Variants in LRBA observed in about 807,000 individuals in gnomAD.
The protein encoded by LRBA is LPS responsive beige-like anchor protein.
Under a neutral mutation model 330.0 loss-of-function variants are expected in LRBA, and 176 were observed. The ratio of observed to expected loss-of-function variants is 0.53; its 90% CI spans 0.47 to 0.60. The LOEUF (loss-of-function observed/expected upper bound fraction) is 0.60. Among genes scored for constraint, LRBA ranks in the 20% least tolerant of loss-of-function variants. The probability of loss-of-function intolerance (pLI) is 0.00; values close to 1 mark genes in which losing one functional copy is unlikely to be tolerated. For missense variants in LRBA, 3,259 were observed against 3,444.8 expected (o/e 0.95, Z 1.35); for synonymous variants, 1,230 against 1,193.0 (o/e 1.03, Z -0.64).
rs560528216 is a variant in LRBA, at chr4:150,341,029, G to A, written c.7362+8963C>T. On this transcript the variant is annotated intron_variant, in intron 48 of 56. Transcript: ENST00000651943. ...CACTTTGGCAGCTCGGTGGAAAGTGGACTGTAGGTAGGCAGGGACAGAAAA... is the reference window on the plus strand; with the variant it reads ...CACTTTGGCAGCTCGGTGGAAAGTGAACTGTAGGTAGGCAGGGACAGAAAA... 1.2e-3 allele frequency among the ~76,000 whole-genome samples: 179 copies of A among 152,326 alleles called. 2 individuals carry two copies. Among genetic ancestry groups the A allele is most frequent in the Non-Finnish European group, 2.1e-3 (145 of 68,016 alleles).
At chr4:150,820,780 A>T (rs1363248090) in intron 30 of LRBA, among the ~76,000 whole-genome samples, 2 of 152,080 alleles carry the variant, frequency 1.3e-5, no homozygotes, top group Non-Finnish European at 2.9e-5. Flanking sequence ...ATAAAGTTTC[A>T]GTGTAAAAGA....
chr4:150,683,446 A>C (rs1783228431), intron 37 of LRBA, 105 bp downstream of exon 37: 1 of 888,140 alleles, frequency 1.1e-6, no homozygotes, highest in South Asian at 1.7e-5. Context: ...GACAAAATTA[A>C]ATTACTCTCT....
chr4:150,910,165 T>A (rs1228938187), intron 9 of LRBA, among the ~76,000 whole-genome samples: 1 of 152,192 alleles, frequency 6.6e-6, no homozygotes, highest in Non-Finnish European at 1.5e-5. Flanking sequence ...TTTGACAACA[T>A]CTTATTTGTC....
chr4:150,736,048 C>G (rs573913815), intron 35 of LRBA, among the ~76,000 whole-genome samples: 21 of 152,162 alleles, frequency 1.4e-4, no homozygotes, highest in African/African-American at 5.1e-4. Context: ...ATGGCAAAAC[C>G]CCAGGTTTTC....
At chr4:150,952,554 C>T (rs964054331) in intron 2 of LRBA, among the ~76,000 whole-genome samples, 2 of 152,100 alleles carry the variant, frequency 1.3e-5, no homozygotes, top group African/African-American at 4.8e-5. Flanking sequence ...ACATCATTCC[C>T]AAGAGCCTGT....
chr4:150,919,634 CA>C (rs150882251), intron 5 of LRBA, among the ~76,000 whole-genome samples: 1 of 151,204 alleles, frequency 6.6e-6, no homozygotes, highest in African/African-American at 2.4e-5. Context: ...CACAGACTGA[CA>C]AAAAAAAATT....
chr4:150,845,899 A>G (rs2126891788), intron 26 of LRBA, among the ~76,000 whole-genome samples: 1 of 152,352 alleles, frequency 6.6e-6, no homozygotes, highest in East Asian at 1.9e-4. Flanking sequence ...AGTCTGTATT[A>G]CAAAGTTAAA....
At chr4:150,597,480 T>C (rs1773635601) in intron 38 of LRBA, among the ~76,000 whole-genome samples, 1 of 151,932 alleles carries the variant, frequency 6.6e-6, no homozygotes, top group Admixed American at 6.6e-5. Context: ...TGTGCAATTT[T>C]AGAAAACAAA....
chr4:150,407,211 A>C (rs1746323429), intron 47 of LRBA, among the ~76,000 whole-genome samples: 1 of 152,216 alleles, frequency 6.6e-6, no homozygotes. Context: ...AGGCAATGTG[A>C]AGACACAGGC....
Position 150,776,408 on chromosome 4 carries a change from G to T in LRBA, c.5581-14561C>A, listed in dbSNP as rs1055896787. Among the ~76,000 whole-genome samples, 61 of 152,194 alleles carry T rather than the reference G, an allele frequency of 4.0e-4. 2 individuals carry two copies. Among genetic ancestry groups the T allele is most frequent in the Non-Finnish European group, 4.4e-5 (3 of 68,026 alleles). On this transcript the variant is annotated intron_variant, in intron 34 of 56. Transcript: ENST00000651943. ...AGATGTGGCTGCTTCCAAGAGTTAA[G>T]AATCAATCACGGGGAAGAGGGGGAA... is the stretch of plus-strand genomic sequence containing the variant.
At chr4:150,545,385 T>A (rs573358504) in intron 40 of LRBA, among the ~76,000 whole-genome samples, 21 of 152,294 alleles carry the variant, frequency 1.4e-4, no homozygotes, top group African/African-American at 4.8e-4. Flanking sequence ...CTCCTGAAAT[T>A]TCATATCCTT....
intron 31 of LRBA, among the ~76,000 whole-genome samples, chr4:150,816,848 T>G (rs925007398): frequency 6.6e-6 from 1 of 151,972 alleles, no homozygotes; most frequent in African/African-American, 2.4e-5. Flanking sequence ...AAAAATATTT[T>G]TATGAATCTA....
chr4:150,608,907 T>A (rs1774943810), intron 37 of LRBA, among the ~76,000 whole-genome samples: 1 of 152,266 alleles, frequency 6.6e-6, no homozygotes, highest in Admixed American at 6.5e-5. Flanking sequence ...TTTTTGAGGT[T>A]CATCTATGTT....
chr4:150,388,309 C>T (rs910445638), intron 47 of LRBA, among the ~76,000 whole-genome samples: 5 of 152,226 alleles, frequency 3.3e-5, no homozygotes, highest in South Asian at 2.1e-4. Flanking sequence ...ACATAATTTT[C>T]GGGGGACACA....
At chr4:150,300,039 G>T (rs950646082) in intron 53 of LRBA, among the ~76,000 whole-genome samples, 2 of 152,062 alleles carry the variant, frequency 1.3e-5, no homozygotes, top group Non-Finnish European at 2.9e-5. Context: ...GAACCAGCTT[G>T]CATGAATGTT....
intron 37 of LRBA, among the ~76,000 whole-genome samples, chr4:150,642,560 T>A (rs980194089): frequency 1.3e-5 from 2 of 151,846 alleles, no homozygotes; most frequent in Non-Finnish European, 2.9e-5. Context: ...AAATCTTAAA[T>A]GAAATGGTGT....
chr4:150,834,791 A>C (rs1277337042), intron 28 of LRBA, among the ~76,000 whole-genome samples: 2 of 152,168 alleles, frequency 1.3e-5, no homozygotes, highest in Non-Finnish European at 2.9e-5. Flanking sequence ...GTAGCTAGGA[A>C]CATTGTAGGA....
chr4:150,286,904 G>A (rs1311293156), intron 53 of LRBA, among the ~76,000 whole-genome samples: 9 of 152,168 alleles, frequency 5.9e-5, no homozygotes, highest in Non-Finnish European at 5.9e-5. Flanking sequence ...CAAGCCACAA[G>A]GATAAACTGG....
chr4:150,285,666 A>G (rs919663426), intron 54 of LRBA, among the ~76,000 whole-genome samples: 1 of 152,232 alleles, frequency 6.6e-6, no homozygotes, highest in Non-Finnish European at 1.5e-5. Flanking sequence ...ACTTTCTACA[A>G]TGATGGAAAT....
Sources: allele counts gnomAD v4.1 joint callset (sites outside exome capture counted in the v4.1 genomes callset), GRCh38; gene constraint gnomAD v4.1.1; transcripts MANE v1.5; gene names NCBI Gene and HGNC (gene_info 2026-07-23, HGNC 2026-07-21).